Variants in PTPRD observed in about 807,000 individuals in gnomAD.
PTPRD encodes the protein receptor-type tyrosine-protein phosphatase delta.
A neutral mutation model predicts 214.5 loss-of-function variants in PTPRD; 34 were observed. The observed-to-expected ratio is 0.16, with a 90% CI of 0.12 to 0.21. The LOEUF (loss-of-function observed/expected upper bound fraction) is 0.21. Ranked by LOEUF, PTPRD falls within the 10% of genes least tolerant of loss-of-function variation. The probability of loss-of-function intolerance (pLI) is 1.00; values close to 1 mark genes in which losing one functional copy is unlikely to be tolerated. For missense variants in PTPRD, 2,545 were observed against 2,398.7 expected, an observed-to-expected ratio of 1.06 and a Z score of -1.27; for synonymous variants, 1,128 against 845.7, an observed-to-expected ratio of 1.33 and a Z score of -5.79.
chr9:10,101,582 T>C (rs528279008), intron 3 of PTPRD, among the ~76,000 whole-genome samples: 30 of 151,654 alleles, frequency 2.0e-4, no homozygotes, highest in African/African-American at 3.4e-4. Context: ...CCTTCAATGA[T>C]AGAAACAGTT....
At chr9:9,623,869 C>T (rs143404562) in intron 7 of PTPRD, among the ~76,000 whole-genome samples, 94 of 152,238 alleles carry the variant, frequency 6.2e-4, no homozygotes, top group African/African-American at 2.0e-3. Flanking sequence ...ATATTTTTCC[C>T]GTGCAATCTC....
intron 3 of PTPRD, among the ~76,000 whole-genome samples, chr9:10,257,900 T>A (rs1355425492): frequency 6.6e-6 from 1 of 152,146 alleles, no homozygotes; most frequent in Non-Finnish European, 1.5e-5. Context: ...ACCCTTTCTG[T>A]GGCAGAAAAT....
chr9:8,483,958 A>T (rs1246995855), intron 30 of PTPRD, among the ~76,000 whole-genome samples, 161 bp downstream of exon 30: 1 of 152,244 alleles, frequency 6.6e-6, no homozygotes, highest in Non-Finnish European at 1.5e-5. Flanking sequence ...ATACTAGGAC[A>T]CGTTGTAAAA....
intron 5 of PTPRD, among the ~76,000 whole-genome samples, chr9:9,853,100 T>A (rs1332790823): frequency 6.6e-6 from 1 of 152,218 alleles, no homozygotes; most frequent in East Asian, 1.9e-4. Context: ...ATGTACCCTA[T>A]GACATAGAAG....
intron 7 of PTPRD, among the ~76,000 whole-genome samples, chr9:9,583,572 T>C (rs1475349790): frequency 6.6e-6 from 1 of 152,062 alleles, no homozygotes; most frequent in Non-Finnish European, 1.5e-5. Context: ...TTGTTATAGA[T>C]AACTACGCAT....
At chr9:10,072,092 G>T (rs948033666) in intron 3 of PTPRD, among the ~76,000 whole-genome samples, 8 of 151,644 alleles carry the variant, frequency 5.3e-5, no homozygotes, top group Non-Finnish European at 1.2e-4. Flanking sequence ...GAATATATTT[G>T]CAAATTACAT....
At chr9:9,611,361 G>T (rs2094502810) in intron 7 of PTPRD, among the ~76,000 whole-genome samples, 1 of 151,998 alleles carries the variant, frequency 6.6e-6, no homozygotes, top group African/African-American at 2.4e-5. Context: ...CATTGATGCT[G>T]ACCATTATAA....
chr9:9,123,030 G>T (rs2099819111), intron 10 of PTPRD, among the ~76,000 whole-genome samples: 1 of 152,154 alleles, frequency 6.6e-6, no homozygotes, highest in African/African-American at 2.4e-5. Context: ...GTTGTTGTTT[G>T]TTTGTTTTAG....
At chr9:10,545,128 C>G (rs1336778416) in intron 2 of PTPRD, among the ~76,000 whole-genome samples, 2 of 152,156 alleles carry the variant, frequency 1.3e-5, no homozygotes, top group Non-Finnish European at 2.9e-5. Context: ...GCAGAGCAAA[C>G]TCCCACAAGG....
rs1005478742 is a variant in PTPRD at position 10,005,317 on chromosome 9, T to A, written c.-472+28401A>T. On this transcript the variant is annotated intron_variant, in intron 4 of 45. Coordinates refer to ENST00000381196, the MANE Select transcript of PTPRD (RefSeq NM_002839.4). ...ACTAGGCTTTATTTCTGTATCATGA[T>A]GGCTATTTCTTTTCGAGGCCAACAG... Among the ~76,000 whole-genome samples the A allele has an allele frequency of 2.0e-5, 3 of 152,214 alleles. No homozygotes were observed. The East Asian group carries it at 5.8e-4, about 29-fold the overall frequency.
chr9:8,454,559 G>C (rs1317348135), intron 33 of PTPRD: 8 of 1,612,530 alleles, frequency 5.0e-6, no homozygotes, highest in Non-Finnish European at 6.8e-6. Context: ...ACATTAAAGG[G>C]GTTTGTTCTC....
At chr9:10,606,832 ATAAC>A (rs1288954384) in intron 2 of PTPRD, among the ~76,000 whole-genome samples, 2 of 151,992 alleles carry the variant, frequency 1.3e-5, no homozygotes, top group Admixed American at 6.6e-5. Context: ...TTTGAGAACT[ATAAC>A]TTTGGACAGT....
chr9:9,047,303 AAT>A (rs1266290229), intron 10 of PTPRD, among the ~76,000 whole-genome samples: 1 of 152,150 alleles, frequency 6.6e-6, no homozygotes, highest in Non-Finnish European at 1.5e-5. Context: ...TGGAAGAATC[AAT>A]ACTCTTAAAA....
At chr9:9,668,892 G>C (rs1186692139) in intron 7 of PTPRD, among the ~76,000 whole-genome samples, 3 of 151,994 alleles carry the variant, frequency 2.0e-5, no homozygotes, top group Admixed American at 1.3e-4. Context: ...GTCTCCTATT[G>C]ACCAATCCTG....
intron 4 of PTPRD, among the ~76,000 whole-genome samples, chr9:9,994,889 G>A (rs2096069178): frequency 6.6e-6 from 1 of 151,994 alleles, no homozygotes; most frequent in African/African-American, 2.4e-5. Context: ...TATATATAAT[G>A]TTAATATTGG....
intron 11 of PTPRD, among the ~76,000 whole-genome samples, chr9:8,852,036 A>G (rs1017437214): frequency 5.0e-5 from 7 of 139,512 alleles, no homozygotes; most frequent in Admixed American, 7.5e-5. Context: ...TTAGTTAATA[A>G]ATGAAATCCA....
chr9:9,520,677 A>G (rs2154254325), intron 8 of PTPRD, among the ~76,000 whole-genome samples: 1 of 152,326 alleles, frequency 6.6e-6, no homozygotes, highest in South Asian at 2.1e-4. Flanking sequence ...CTATCTTGAA[A>G]GTAATTGGCA....
At chr9:9,433,620 G>T (rs2084061864) in intron 8 of PTPRD, among the ~76,000 whole-genome samples, 1 of 152,096 alleles carries the variant, frequency 6.6e-6, no homozygotes, top group Admixed American at 6.6e-5. Flanking sequence ...AATCACAAGA[G>T]TCACAATAAG....
chr9:10,224,425 T>G (rs917699240), intron 3 of PTPRD, among the ~76,000 whole-genome samples: 1 of 151,992 alleles, frequency 6.6e-6, no homozygotes, highest in Non-Finnish European at 1.5e-5. Flanking sequence ...TAGTTACATA[T>G]GCATACATGT....
Sources: gnomAD v4.1 joint callset for allele counts (sites outside exome capture counted in the v4.1 genomes callset) on GRCh38, gnomAD v4.1.1 for gene constraint, MANE v1.5 for transcripts, NCBI Gene and HGNC (gene_info 2026-07-23, HGNC 2026-07-21) for gene names.